Variants in PDE4B observed in about 807,000 individuals in gnomAD.
The protein encoded by PDE4B is phosphodiesterase 4B.
In PDE4B, 20 loss-of-function variants were observed where a neutral mutation model predicts 82.2. That is an observed-to-expected ratio of 0.24 (90% CI 0.17 to 0.35). The LOEUF (loss-of-function observed/expected upper bound fraction) is 0.35. Ranked by LOEUF, PDE4B falls within the 10% of genes least tolerant of loss-of-function variation. The pLI, the probability that PDE4B is intolerant of heterozygous loss-of-function variation, is 1.00. For missense variants in PDE4B, 655 were observed against 907.2 expected, an observed-to-expected ratio of 0.72 and a Z score of 3.57; for synonymous variants, 320 against 318.9, an observed-to-expected ratio of 1.00 and a Z score of -0.04.
At chr1:65,965,518 ATT>A (rs10588465) in intron 3 of PDE4B, among the ~76,000 whole-genome samples, 93,301 of 150,110 alleles carry the variant, frequency 0.62, 28,983 homozygotes, top group African/African-American at 0.65. Flanking sequence ...GAATCTTGTG[ATT>A]TTTTTTTTTT....
At chr1:65,806,400 ATT>A (rs1645755233) in intron 1 of PDE4B, among the ~76,000 whole-genome samples, 1 of 152,210 alleles carries the variant, frequency 6.6e-6, no homozygotes, top group African/African-American at 2.4e-5. Context: ...AATTAATTTT[ATT>A]TTTATTGAAA....
At chr1:65,913,168 T>G (rs1647116227) in intron 1 of PDE4B, 77 bp from the exon 2 acceptor site, 1 of 599,440 alleles carries the variant, frequency 1.7e-6, no homozygotes, top group Admixed American at 3.1e-5. Flanking sequence ...TTTCAAATGT[T>G]AATTTAGAGA....
chr1:66,055,109 C>A (rs1201812414), intron 3 of PDE4B, among the ~76,000 whole-genome samples: 3 of 152,214 alleles, frequency 2.0e-5, no homozygotes, highest in Non-Finnish European at 1.5e-5. Context: ...CATCTAGGAA[C>A]TAAGGAATAT....
chr1:66,145,182 A>G (rs746432896), intron 3 of PDE4B, among the ~76,000 whole-genome samples: 1 of 152,212 alleles, frequency 6.6e-6, no homozygotes, highest in Non-Finnish European at 1.5e-5. Flanking sequence ...ATGGAAGGTG[A>G]TGAGAAAACA....
intron 3 of PDE4B, among the ~76,000 whole-genome samples, chr1:65,971,725 A>G (rs1177946897): frequency 6.6e-6 from 1 of 152,178 alleles, no homozygotes; most frequent in Non-Finnish European, 1.5e-5. Flanking sequence ...TATCAGCAGT[A>G]TGAGCTGTTT....
intron 7 of PDE4B, among the ~76,000 whole-genome samples, chr1:66,306,307 A>C (rs1347453584): frequency 6.6e-6 from 1 of 152,154 alleles, no homozygotes; most frequent in African/African-American, 2.4e-5. Flanking sequence ...CACTTGATGT[A>C]AAAAGGGTCA....
chr1:66,112,946 A>G (rs1645518784), intron 3 of PDE4B: 1 of 152,208 alleles, frequency 6.6e-6, no homozygotes. Context: ...GCCCCAAGCG[A>G]TGGGATTATA....
At chr1:66,105,760 G>T (rs1645337792) in intron 3 of PDE4B, among the ~76,000 whole-genome samples, 1 of 151,988 alleles carries the variant, frequency 6.6e-6, no homozygotes, top group Admixed American at 6.6e-5. Flanking sequence ...TGGTGTATAA[G>T]AATGCTTGTG....
At position 66,013,731 on chromosome 1, in the gene PDE4B, G is replaced by C. The variant is rs542482308; in HGVS notation, c.281+94896G>C. Among the ~76,000 whole-genome samples the C allele has an allele frequency of 1.6e-4, 25 of 151,870 alleles. No homozygotes were observed. The Middle Eastern group carries it at 0.014, about 83-fold the overall frequency. On this transcript the variant is annotated intron_variant, in intron 3 of 16. Transcript: ENST00000341517. ...GAAATTTAGGTTGCTTCCACCTTTT[G>C]GCTATTGTGAATAATGCTGTTATGA... is the stretch of plus-strand genomic sequence containing the variant.
chr1:65,891,842 A>T (rs1646856145), intron 1 of PDE4B, among the ~76,000 whole-genome samples: 1 of 152,052 alleles, frequency 6.6e-6, no homozygotes, highest in African/African-American at 2.4e-5. Flanking sequence ...TTTACTTCTC[A>T]TTGTGAAAAA....
chr1:66,363,358 G>T (rs767370349), intron 11 of PDE4B, 49 bp from the exon 12 acceptor site: 38 of 1,553,950 alleles, frequency 2.4e-5, no homozygotes, highest in African/African-American at 2.8e-5. Flanking sequence ...AACTTTCCTC[G>T]ACTTTTGGAC....
chr1:66,212,461 T>C (rs1256127455), intron 3 of PDE4B, among the ~76,000 whole-genome samples: 1 of 152,202 alleles, frequency 6.6e-6, no homozygotes, highest in Non-Finnish European at 1.5e-5. Context: ...TAGCGTTTGC[T>C]TGAATCTCAC....
In PDE4B at chr1:65,909,044, C is replaced by T. The variant is rs528583133; in HGVS notation, c.-70-4201C>T. Among the ~76,000 whole-genome samples, 15 of 152,110 alleles carry T rather than the reference C, an allele frequency of 9.9e-5. No individual in the cohort carries two copies. The South Asian group carries it at 2.1e-3, about 21-fold the overall frequency. The stretch of plus-strand genomic sequence containing the variant: ...TGGCCACTGAATTAAAACAGTTATA[C>T]GATGGGAGTTATGGAAGCAATCTGA... On this transcript the variant is annotated intron_variant, in intron 1 of 16. Transcript: ENST00000341517.
intron 1 of PDE4B, among the ~76,000 whole-genome samples, chr1:65,893,912 TA>T (rs1332642426): frequency 2.0e-5 from 3 of 152,048 alleles, no homozygotes; most frequent in Non-Finnish European, 4.4e-5. Flanking sequence ...CCAAATATCG[TA>T]TGTTCTCACT....
At chr1:66,123,128 G>A (rs756834415) in intron 3 of PDE4B, among the ~76,000 whole-genome samples, 10 of 151,918 alleles carry the variant, frequency 6.6e-5, no homozygotes, top group South Asian at 2.1e-4. Flanking sequence ...TTTTCCACAC[G>A]CTAGTAAGCA....
At chr1:65,929,538 C>T (rs1017971713) in intron 3 of PDE4B, among the ~76,000 whole-genome samples, 13 of 152,148 alleles carry the variant, frequency 8.5e-5, no homozygotes, top group Non-Finnish European at 1.2e-4. Flanking sequence ...CCATAATTCC[C>T]GCTCTTTCTC....
intron 4 of PDE4B, 25 bp downstream of exon 4, chr1:66,247,679 C>T (rs747001788): frequency 6.6e-7 from 1 of 1,514,488 alleles, no homozygotes. Context: ...TGTCTGGCTT[C>T]CAGTTTCACA....
intron 3 of PDE4B, among the ~76,000 whole-genome samples, chr1:65,999,877 T>C (rs1205253197): frequency 6.6e-6 from 1 of 152,210 alleles, no homozygotes; most frequent in Non-Finnish European, 1.5e-5. Context: ...ATGATGGAAA[T>C]GGAAAGGAAG....
At chr1:66,218,435 G>T (rs748490436) in intron 3 of PDE4B, among the ~76,000 whole-genome samples, 1 of 152,058 alleles carries the variant, frequency 6.6e-6, no homozygotes. Context: ...AAGAAGGGAG[G>T]TAGGGAGATG....
Sources: gnomAD v4.1 joint callset for allele counts (sites outside exome capture counted in the v4.1 genomes callset) on GRCh38, gnomAD v4.1.1 for gene constraint, MANE v1.5 for transcripts, NCBI Gene and HGNC (gene_info 2026-07-23, HGNC 2026-07-21) for gene names.